LHPP: variants seen among roughly 807,000 people sequenced by gnomAD.
LHPP encodes hLHPP.
In LHPP, 24 loss-of-function variants were observed where a neutral mutation model predicts 30.3. The ratio of observed to expected loss-of-function variants is 0.79; its 90% CI spans 0.57 to 1.11. The LOEUF is 1.11. LHPP is among the 50% of genes most tolerant of loss of function. The pLI is 0.00. For missense variants in LHPP, 356 were observed against 367.2 expected (o/e 0.97, Z 0.25); for synonymous variants, 150 against 157.1 (o/e 0.95, Z 0.34).
At chr10:124,567,806 ATGCACACACTGTACCCACG>A (rs1424663681) in intron 6 of LHPP, among the ~76,000 whole-genome samples, 10 of 152,276 alleles carry the variant, frequency 6.6e-5, no homozygotes, top group Non-Finnish European at 1.5e-5. Flanking sequence ...ATGCGCATGC[ATGCACACACTGTACCCACG>A]TGCACACACG....
At chr10:124,513,312 G>A (rs1424733545) in intron 5 of LHPP, among the ~76,000 whole-genome samples, 6 of 151,590 alleles carry the variant, frequency 4.0e-5, no homozygotes, top group Admixed American at 3.9e-4. Context: ...TGCCTCCCTC[G>A]GCCTCCCACA....
At chr10:124,544,338 A>C (rs1242206752) in intron 6 of LHPP, among the ~76,000 whole-genome samples, 2 of 152,178 alleles carry the variant, frequency 1.3e-5, no homozygotes, top group African/African-American at 4.8e-5. Flanking sequence ...CAGAATGAAT[A>C]TTCCTTGGCT....
intron 6 of LHPP, among the ~76,000 whole-genome samples, chr10:124,563,484 A>G (rs1187907951): frequency 6.6e-6 from 1 of 152,036 alleles, no homozygotes; most frequent in Non-Finnish European, 1.5e-5. Context: ...ATCATGCAAA[A>G]CAGATACTGT....
rs901248643 is a variant in LHPP at position 124,596,199 on chromosome 10, C to T, written c.717-17065C>T. Among the ~76,000 whole-genome samples the T allele has an allele frequency of 1.3e-5, 2 of 152,032 alleles. No individual in the cohort carries two copies. Among genetic ancestry groups the T allele is most frequent in the Non-Finnish European group, 2.9e-5 (2 of 68,018 alleles). ...GTTTCTGGCTTGGGGTCCTTATGAA[C>T]AGAGCTGATCAGAACATATCTGTCC... On this transcript the variant is annotated intron_variant, in intron 6 of 6. Transcript: ENST00000368842. The surrounding 1 kb of genome is among the most constrained non-coding windows in gnomAD (Gnocchi z 4.6).
In LHPP at chr10:124,471,447, T is replaced by G. The variant is rs12761937; in HGVS notation, c.125+9460T>G. Among the ~76,000 whole-genome samples, 3 of 2,932 alleles carry G rather than the reference T, an allele frequency of 1.0e-3. 1 individual carries two copies. The highest frequency in any genetic ancestry group is 1.4e-3 in the African/African-American group (3 of 2,212). 1.9% of individuals were successfully genotyped at this position (2,932 alleles called of 152,430 possible). A position where few individuals can be genotyped will look rare whatever the true frequency, so the allele number is the denominator to read the frequency against. ...ATATATATTTATATATTATATATATTTATATATTTATATATATTTATATAT... is the reference window on the plus strand; with the variant it reads ...ATATATATTTATATATTATATATATGTATATATTTATATATATTTATATAT... On this transcript the variant is annotated intron_variant, in intron 1 of 6. Transcript: ENST00000368842.
intron 6 of LHPP, among the ~76,000 whole-genome samples, chr10:124,537,867 G>A (rs1276901305): frequency 1.3e-5 from 2 of 152,232 alleles, no homozygotes; most frequent in Non-Finnish European, 2.9e-5. Flanking sequence ...GTGTGGGTCT[G>A]TGCCCCTTTC....
Position 124,517,359 on chromosome 10 carries a change from T to A in LHPP, c.716+88T>A. 1 of 858,246 alleles carries A rather than the reference T, an allele frequency of 1.2e-6. No homozygotes were observed. Among genetic ancestry groups the A allele is most frequent in the Non-Finnish European group, 1.7e-6 (1 of 577,034 alleles). The allele number at this position is 858,246 out of a possible 1,614,324, so 53.2% of individuals were successfully genotyped here. A position where few individuals can be genotyped will look rare whatever the true frequency, so the allele number is the denominator to read the frequency against. ...GTTTTGTTCTTCAAAATAAAGGGGA[T>A]ATTCTTTCCAAATCAAAGAGCAGTA... On this transcript the variant is annotated intron_variant, in intron 6 of 6. Transcript: ENST00000368842. The surrounding 1 kb of genome is among the most constrained non-coding windows in gnomAD (Gnocchi z 4.1).
At chr10:124,610,969 G>A (rs879188387) in intron 6 of LHPP, among the ~76,000 whole-genome samples, 2 of 54,508 alleles carry the variant, frequency 3.7e-5, no homozygotes, top group Admixed American at 3.8e-4. Context: ...GTGAGGGTGC[G>A]GGTGAGGGTG....
intron 1 of LHPP, among the ~76,000 whole-genome samples, chr10:124,469,971 G>T (rs1455303330): frequency 6.6e-6 from 1 of 152,194 alleles, no homozygotes; most frequent in East Asian, 1.9e-4. Flanking sequence ...GGAGCAGGAG[G>T]CCCAAACCTC....
intron 5 of LHPP, among the ~76,000 whole-genome samples, chr10:124,501,062 T>C (rs944892431): frequency 1.3e-4 from 20 of 152,064 alleles, no homozygotes; most frequent in African/African-American, 4.8e-4. Flanking sequence ...TGGAATATTA[T>C]TCAGCCATAA....
intron 6 of LHPP, among the ~76,000 whole-genome samples, chr10:124,524,121 G>A (rs1356701930): frequency 6.6e-6 from 1 of 152,106 alleles, no homozygotes; most frequent in African/African-American, 2.4e-5. Flanking sequence ...CATTCACAGA[G>A]CTGTGCAGTC....
In LHPP at chr10:124,523,630, C is replaced by G. The variant is rs1479187410; in HGVS notation, c.716+6359C>G. Reference sequence around the variant, plus strand: ...TGTTAATTTTTCAGCAGTCACATGTCAAAGTGAGTGGCTAGCAAGCAGGGG... The same window carrying G: ...TGTTAATTTTTCAGCAGTCACATGTGAAAGTGAGTGGCTAGCAAGCAGGGG... On this transcript the variant is annotated intron_variant, in intron 6 of 6. Transcript: ENST00000368842. The surrounding 1 kb of genome is among the most constrained non-coding windows in gnomAD (Gnocchi z 4.2). Among the ~76,000 whole-genome samples the G allele has an allele frequency of 6.6e-6, 1 of 152,198 alleles. No homozygotes were observed. Among genetic ancestry groups the G allele is most frequent in the African/African-American group, 2.4e-5 (1 of 41,448 alleles).
At chr10:124,534,199 G>A (rs1460808533) in intron 6 of LHPP, among the ~76,000 whole-genome samples, 3 of 152,256 alleles carry the variant, frequency 2.0e-5, no homozygotes, top group East Asian at 3.8e-4. Flanking sequence ...CAGAGAAGAC[G>A]CCCTGCATGT....
chr10:124,584,863 A>G (rs58077952), intron 6 of LHPP, among the ~76,000 whole-genome samples: 27,524 of 151,470 alleles, frequency 0.18, 2,648 homozygotes, highest in African/African-American at 0.2. Context: ...TCTGAGCACT[A>G]ACATGACAGC....
intron 6 of LHPP, among the ~76,000 whole-genome samples, chr10:124,535,433 G>C (rs1253149555): frequency 6.6e-6 from 1 of 152,146 alleles, no homozygotes; most frequent in Non-Finnish European, 1.5e-5. Context: ...ACATGGTCTT[G>C]CTCTGTCACC....
chr10:124,549,991 G>T (rs948372778), intron 6 of LHPP, among the ~76,000 whole-genome samples: 1 of 152,164 alleles, frequency 6.6e-6, no homozygotes. Flanking sequence ...CAGGGACTGG[G>T]TGGCACAGGT....
intron 1 of LHPP, among the ~76,000 whole-genome samples, chr10:124,470,303 G>C (rs759254252): frequency 3.3e-5 from 5 of 152,132 alleles, no homozygotes; most frequent in Non-Finnish European, 5.9e-5. Flanking sequence ...GCCCAGGCCC[G>C]GCTCGGCGTT....
At chr10:124,530,757 C>T (rs1954879885) in intron 6 of LHPP, among the ~76,000 whole-genome samples, 1 of 152,216 alleles carries the variant, frequency 6.6e-6, no homozygotes, top group African/African-American at 2.4e-5. Flanking sequence ...AGGACACTGA[C>T]CCTCTCCTCT....
intron 1 of LHPP, among the ~76,000 whole-genome samples, chr10:124,472,610 G>A (rs1952818484): frequency 6.6e-6 from 1 of 151,406 alleles, no homozygotes; most frequent in Non-Finnish European, 1.5e-5. Flanking sequence ...CCAGGCTGGA[G>A]TGCAGTGGTG....
Sources: gnomAD v4.1 joint callset for allele counts (sites outside exome capture counted in the v4.1 genomes callset) on GRCh38, gnomAD v4.1.1 for gene constraint, Gnocchi (gnomAD v3.1) non-coding constraint, MANE v1.5 for transcripts, NCBI Gene and HGNC (gene_info 2026-07-23, HGNC 2026-07-21) for gene names.